The following NCOR2 variants were observed in gnomAD, a reference collection of about 807,000 sequenced individuals.
NCOR2 encodes the protein CTG repeat protein 26.
Under a neutral mutation model 262.9 loss-of-function variants are expected in NCOR2, and 81 were observed. The observed-to-expected ratio is 0.31, with a 90% CI of 0.26 to 0.37. NCOR2 has a LOEUF of 0.37. Among genes scored for constraint, NCOR2 ranks in the 10% least tolerant of loss-of-function variants. The pLI is 1.00. For missense variants in NCOR2, 3,385 were observed against 3,621.4 expected (o/e 0.93, Z 1.68); for synonymous variants, 1,659 against 1,559.3 (o/e 1.06, Z -1.51).
rs376099954 is a variant in NCOR2, at chr12:124,426,590, C to T, written c.1328+32G>A. 2.2e-4 allele frequency: 334 copies of T among 1,535,356 alleles called. 3 individuals carry two copies. The Admixed American group carries it at 5.0e-3, about 23-fold the overall frequency. On this transcript the variant is annotated intron_variant, in intron 11 of 46. Transcript: ENST00000405201. ...CCTCAACAGGATGGGGGTGGGGGGC[C>T]GGGAGGCCAGGCCAGGTGATGGAGG...
rs749576073 is a variant in NCOR2 at position 124,430,736 on chromosome 12, T to G, written c.934A>C (p.Lys312Gln). 8 of 1,613,996 alleles carry G rather than the reference T, an allele frequency of 5.0e-6. No homozygotes were observed. In the Admixed American group the frequency reaches 1.3e-4, roughly 27 times the overall value. Residue 312 changes from lysine (K) to glutamine (Q), a missense_variant, in exon 9 of 47, where the codon AAG becomes CAG. Coordinates refer to ENST00000405201, the Ensembl canonical transcript of NCOR2. ...GGGTTGTTCTCGATGCGCTCCACCT[T>G]CTTCTCCCAGGCCTCCATGAGCTGG...
chr12:124,385,214 A>T (rs1355014435), intron 17 of NCOR2, among the ~76,000 whole-genome samples: 2 of 152,184 alleles, frequency 1.3e-5, no homozygotes, highest in Admixed American at 6.5e-5. Context: ...GAAGGGTCTC[A>T]GCCTCCCGTG....
At chr12:124,424,116 A>G (rs1340547319) in intron 11 of NCOR2, among the ~76,000 whole-genome samples, 1 of 152,118 alleles carries the variant, frequency 6.6e-6, no homozygotes, top group African/African-American at 2.4e-5. Flanking sequence ...TCGGTTACTG[A>G]ATTAACAGAG....
At chr12:124,341,870 G>A (rs1261292284) in exon 34 of NCOR2, 10 of 1,611,232 alleles carry the variant, frequency 6.2e-6, no homozygotes, top group African/African-American at 2.7e-5. Context: ...CTCGCGGGGC[G>A]AGAGGCCCCT....
intron 18 of NCOR2, among the ~76,000 whole-genome samples, chr12:124,377,333 C>G (rs1593280263): frequency 6.6e-6 from 1 of 152,136 alleles, no homozygotes; most frequent in East Asian, 1.9e-4. Flanking sequence ...ACCTGGGGCG[C>G]CTGGGCCCAG....
chr12:124,402,949 G>T (rs1334080310), intron 13 of NCOR2, among the ~76,000 whole-genome samples: 1 of 152,174 alleles, frequency 6.6e-6, no homozygotes, highest in Non-Finnish European at 1.5e-5. Context: ...TCAGCTGAGG[G>T]CTGGGAGGTT....
Position 124,354,073 on chromosome 12 carries a change from C to A in NCOR2, c.3693+20G>T, listed in dbSNP as rs117746471. ...GTGCTGGTCCCAACCGTCCTTCCTG[C>A]CGCACCCCAGGACACCTACGTGGGT... On this transcript the variant is annotated intron_variant, in intron 27 of 46. Coordinates refer to ENST00000405201, the Ensembl canonical transcript of NCOR2. 58,665 of 1,599,090 alleles carry A rather than the reference C, an allele frequency of 0.037. 1,345 individuals carry two copies. The highest frequency in any genetic ancestry group is 0.048 in the South Asian group (4,310 of 89,664).
At chr12:124,388,831 T>G (rs1210899832) in intron 16 of NCOR2, 1 of 1,280,964 alleles carries the variant, frequency 7.8e-7, no homozygotes. Flanking sequence ...TGCTGGCGGC[T>G]CAGCTCAGCC....
At chr12:124,559,173 C>A (rs1415393473) in intron 1 of NCOR2, among the ~76,000 whole-genome samples, 3 of 152,234 alleles carry the variant, frequency 2.0e-5, no homozygotes, top group Non-Finnish European at 2.9e-5. Context: ...CCTTTCCCCC[C>A]ACTTCCTTTC....
chr12:124,333,947 T>C (rs373265665), intron 41 of NCOR2, among the ~76,000 whole-genome samples: 1 of 147,738 alleles, frequency 6.8e-6, no homozygotes, highest in Non-Finnish European at 1.5e-5. Flanking sequence ...TGTGTGTGGG[T>C]GTGCACGTGT....
chr12:124,450,160 G>A (rs771351213), intron 6 of NCOR2, among the ~76,000 whole-genome samples: 5 of 152,238 alleles, frequency 3.3e-5, no homozygotes, highest in Non-Finnish European at 5.9e-5. Flanking sequence ...ACAGCCCAGA[G>A]CACACCCGGA....
rs564980717 is a variant in NCOR2, at chr12:124,438,661, C to T, written c.816-665G>A. On this transcript the variant is annotated intron_variant, in intron 7 of 46. Transcript: ENST00000405201. ...AGAGAAGGAGGCACGTCCTGGGAGA[C>T]GGGAGTTTCAGAGAGAGAGAGGGAG... Among the ~76,000 whole-genome samples, 273 of 122,840 alleles carry T rather than the reference C, an allele frequency of 2.2e-3. 3 individuals are homozygous for T. Among genetic ancestry groups the T allele is most frequent in the African/African-American group, 6.7e-3 (251 of 37,644 alleles). 80.6% of individuals were successfully genotyped at this position (122,840 alleles called of 152,430 possible).
chr12:124,421,115 C>A (rs943138242), intron 12 of NCOR2, among the ~76,000 whole-genome samples: 2 of 152,266 alleles, frequency 1.3e-5, no homozygotes, highest in Non-Finnish European at 2.9e-5. Context: ...ACAGCAGCTG[C>A]CCCCGCAGAC....
At chr12:124,516,051 T>A (rs1412517234) in intron 1 of NCOR2, among the ~76,000 whole-genome samples, 1 of 152,086 alleles carries the variant, frequency 6.6e-6, no homozygotes, top group Non-Finnish European at 1.5e-5. Context: ...CAAGGGGACA[T>A]GGATGAGAAC....
In NCOR2 at chr12:124,565,540, C is replaced by T. The variant is rs1400668500; in HGVS notation, c.-165+1768G>A. ...GTGGGAAAAGGCCCCCTCCCTCCCCCAGATCCCCCCACTGTCCACCCCCAG... is the reference window on the plus strand; with the variant it reads ...GTGGGAAAAGGCCCCCTCCCTCCCCTAGATCCCCCCACTGTCCACCCCCAG... On this transcript the variant is annotated intron_variant, in intron 1 of 32. Transcript: ENST00000458234. 1.5e-4 allele frequency among the ~76,000 whole-genome samples: 22 copies of T among 149,506 alleles called. 1 individual carries two copies. The highest frequency in any genetic ancestry group is 5.4e-4 in the African/African-American group (22 of 40,588).
intron 26 of NCOR2, 77 bp downstream of exon 28, chr12:124,354,401 G>C: frequency 7.5e-7 from 1 of 1,327,550 alleles, no homozygotes; most frequent in South Asian, 1.5e-5. Context: ...CTTCCCAGCA[G>C]GTTTTGAATA....
In NCOR2 at chr12:124,343,114, C is replaced by T. The variant is rs762226691; in HGVS notation, c.4827G>A (p.Ser1609=). The T allele has an allele frequency of 6.8e-6, 11 of 1,612,158 alleles. No homozygotes were observed. In the East Asian group the frequency reaches 8.9e-5, roughly 13 times the overall value. Residue 1609 remains serine, a synonymous_variant, in exon 33 of 47, where the codon TCG becomes TCA. Coordinates refer to ENST00000405201, the Ensembl canonical transcript of NCOR2. Reference sequence around the variant, plus strand: ...CGCCCCGAAGCAGGTGCTCATAGGGCGAGATGGGGTGTGGGTGGTGCTCGG... The same window carrying T: ...CGCCCCGAAGCAGGTGCTCATAGGGTGAGATGGGGTGTGGGTGGTGCTCGG...
Position 124,354,688 on chromosome 12 carries a change from A to G in NCOR2, c.3485-106T>C, listed in dbSNP as rs2037804072. ...GGGCTGGGAAGCGCTGCCCCTCCCCACCATGTTCCAGCCAGGGCTGCTGAG... is the reference window on the plus strand; with the variant it reads ...GGGCTGGGAAGCGCTGCCCCTCCCCGCCATGTTCCAGCCAGGGCTGCTGAG... On this transcript the variant is annotated intron_variant, in intron 25 of 46. Transcript: ENST00000405201. 9.1e-6 allele frequency: 12 copies of G among 1,316,326 alleles called. No homozygotes were observed. In the South Asian group the frequency reaches 1.1e-4, roughly 12 times the overall value. 81.5% of individuals were successfully genotyped at this position (1,316,326 alleles called of 1,614,324 possible). A position where few individuals can be genotyped will look rare whatever the true frequency, so the allele number is the denominator to read the frequency against.
At chr12:124,333,424 A>G (rs936705423) in intron 41 of NCOR2, 145 bp from the exon 44 acceptor site, 10 of 634,998 alleles carry the variant, frequency 1.6e-5, no homozygotes, top group African/African-American at 1.3e-4. Flanking sequence ...ACCACAAGTA[A>G]TCTCTGGCAT....
Sources: gnomAD v4.1 joint callset for allele counts (sites outside exome capture counted in the v4.1 genomes callset) on GRCh38, gnomAD v4.1.1 for gene constraint, MANE v1.5 for transcripts, NCBI Gene and HGNC (gene_info 2026-07-23, HGNC 2026-07-21) for gene names.